The following SIN3B variants were observed in gnomAD, a reference collection of about 807,000 sequenced individuals.
SIN3B encodes the protein SIN3 transcription regulator family member B.
SIN3B carries 19 observed loss-of-function variants against 120.2 expected under a neutral mutation model. The observed-to-expected ratio is 0.16, with a 90% CI of 0.11 to 0.23. The LOEUF (loss-of-function observed/expected upper bound fraction) is 0.23, where lower values mean the gene tolerates loss of function less well. Ranked by LOEUF, SIN3B falls within the 10% of genes least tolerant of loss-of-function variation. The pLI is 1.00. For missense variants in SIN3B, 1,073 were observed against 1,573.0 expected, an observed-to-expected ratio of 0.68 and a Z score of 5.38; for synonymous variants, 654 against 653.2, an observed-to-expected ratio of 1.00 and a Z score of -0.02.
Position 16,830,421 on chromosome 19 carries a change from T to C in SIN3B, c.227+524T>C, listed in dbSNP as rs376794749. On this transcript the variant is annotated intron_variant, in intron 2 of 18. Transcript: ENST00000248054. ...GCACACAGAAAACGTTTAAAACACATGAGATGATTTTGCAGGCCCAGAATC... is the reference window on the plus strand; with the variant it reads ...GCACACAGAAAACGTTTAAAACACACGAGATGATTTTGCAGGCCCAGAATC... 1.1e-3 allele frequency among the ~76,000 whole-genome samples: 166 copies of C among 152,224 alleles called. 1 individual carries two copies. The highest frequency in any genetic ancestry group is 3.8e-3 in the African/African-American group (157 of 41,530).
rs1971249953 is a variant in SIN3B at position 16,829,512 on chromosome 19, C to T, written c.92C>T (p.Ser31Phe). ...LSGARWGRSG[S>F]AGHEKLPVHV... Reference sequence around the variant, plus strand: ...GGCGCCCGCTGGGGTCGCTCGGGCTCCGCAGGCCACGAGAAGCTGCCGGTG... The same window carrying T: ...GGCGCCCGCTGGGGTCGCTCGGGCTTCGCAGGCCACGAGAAGCTGCCGGTG... Residue 31 changes from serine (S) to phenylalanine (F), a missense_variant, in exon 1 of 19, where the codon TCC becomes TTC. Ser to Phe is a radical substitution (Grantham distance 155, BLOSUM62 -2). This residue lies in a region of SIN3B where 395 missense variants were observed against 528.0 expected (regional missense o/e 0.75). Transcript: ENST00000248054. 2 of 1,225,914 alleles carry T rather than the reference C, an allele frequency of 1.6e-6. No homozygotes were observed. The highest frequency in any genetic ancestry group is 2.0e-6 in the Non-Finnish European group (2 of 983,816). The allele number at this position is 1,225,914 out of a possible 1,614,324, so 75.9% of individuals were successfully genotyped here. A position where few individuals can be genotyped will look rare whatever the true frequency, so the allele number is the denominator to read the frequency against.
rs1276661668 is a variant in SIN3B at position 16,854,463 on chromosome 19, T to C, written c.1058+202T>C. 5.6e-6 allele frequency: 3 copies of C among 538,818 alleles called. No homozygotes were observed. The Admixed American group carries it at 1.1e-4, about 20-fold the overall frequency. The allele number at this position is 538,818 out of a possible 1,614,324, so 33.4% of individuals were successfully genotyped here. ...CCTGGGTACCCTCCAGCTGGTTCCT[T>C]TACCAGTAACATCTGTAGTCAGTAT... is the stretch of plus-strand genomic sequence containing the variant. On this transcript the variant is annotated intron_variant, in intron 8 of 18. Transcript: ENST00000248054.
intron 10 of SIN3B, 98 bp from the exon 11 acceptor site, chr19:16,865,312 C>CT (rs893705095): frequency 1.3e-5 from 7 of 558,388 alleles, no homozygotes; most frequent in African/African-American, 2.0e-5. Flanking sequence ...ACACACCCCC[C>CT]CCCCAAAAAA....
chr19:16,838,694 CAG>C (rs1032470985), intron 3 of SIN3B, among the ~76,000 whole-genome samples: 168 of 151,932 alleles, frequency 1.1e-3, no homozygotes, highest in African/African-American at 3.9e-3. Context: ...TTTTTCGAGA[CAG>C]AGTCTCGCTC....
chr19:16,851,224 G>A (rs920473858), intron 5 of SIN3B, among the ~76,000 whole-genome samples, 188 bp from the exon 6 acceptor site: 28 of 152,360 alleles, frequency 1.8e-4, no homozygotes, highest in African/African-American at 6.5e-4. Context: ...AGTCTGTGAT[G>A]ATTCGGTTAC....
chr19:16,850,883 C>T (rs1464592008), intron 5 of SIN3B, among the ~76,000 whole-genome samples: 1 of 152,252 alleles, frequency 6.6e-6, no homozygotes, highest in African/African-American at 2.4e-5. Flanking sequence ...GAACCAGCCA[C>T]GAGCCCCACT....
At chr19:16,829,955 G>C in intron 2 of SIN3B, 58 bp downstream of exon 2, 1 of 1,256,264 alleles carries the variant, frequency 8.0e-7, no homozygotes, top group South Asian at 1.2e-5. Context: ...ATCGGGCCTA[G>C]CGGGGTGAGA....
At chr19:16,852,977 C>A in intron 6 of SIN3B, 92 bp from the exon 7 acceptor site, 1 of 1,006,624 alleles carries the variant, frequency 9.9e-7, no homozygotes, top group Non-Finnish European at 1.5e-6. Context: ...AAGGAGAGCA[C>A]GGTCTTAGCC....
At position 16,878,606 on chromosome 19, in the gene SIN3B, T is replaced by C; in HGVS notation, c.3272T>C (p.Leu1091Pro). 1.2e-6 allele frequency: 2 copies of C among 1,612,840 alleles called. No homozygotes were observed. The highest frequency in any genetic ancestry group is 1.7e-6 in the Non-Finnish European group (2 of 1,179,536). The change falls in exon 19 of 19, where the codon CTG becomes CCG. Residue 1091 changes from leucine (L) to proline (P), a missense_variant. Transcript: ENST00000248054. ...VEAASLVQDW[L>P]MGEEDEDMVP... ...GCGGCTAGCCTGGTGCAGGACTGGC[T>C]GATGGGTGAGGAGGACGAGGACATG...
At position 16,871,408 on chromosome 19, in the gene SIN3B, G is replaced by C. The variant is rs1410878767; in HGVS notation, c.2592+10G>C. The C allele has an allele frequency of 1.3e-6, 2 of 1,592,882 alleles. No individual in the cohort carries two copies. The highest frequency in any genetic ancestry group is 1.7e-6 in the Non-Finnish European group (2 of 1,168,428). Reference sequence around the variant, plus strand: ...GAACATTGCGCGGCAGGTGAGCCGGGCCGGGGTGGGGCCGGCCCTGAGGAC... The same window carrying C: ...GAACATTGCGCGGCAGGTGAGCCGGCCCGGGGTGGGGCCGGCCCTGAGGAC... On this transcript the variant is annotated intron_variant, in intron 14 of 18. Transcript: ENST00000248054.
rs867819191 is a variant in SIN3B at position 16,841,838 on chromosome 19, C to A, written c.452C>A (p.Pro151His). ...KQQVPYKEDK[P>H]QVPLESDSVE... The stretch of plus-strand genomic sequence containing the variant: ...CAGGTGCCGTATAAAGAGGACAAAC[C>A]CCAGGTGCCCCTGGAGTCCGATTCC... Residue 151 changes from proline (P) to histidine (H), a missense_variant, in exon 4 of 19, where the codon CCC becomes CAC. Pro to His is a moderately conservative substitution (Grantham distance 77). This residue lies in a region of SIN3B where 395 missense variants were observed against 528.0 expected (regional missense o/e 0.75). Transcript: ENST00000248054. The A allele has an allele frequency of 1.2e-6, 2 of 1,613,922 alleles. No homozygotes were observed. The highest frequency in any genetic ancestry group is 2.7e-5 in the African/African-American group (2 of 74,974).
intron 12 of SIN3B, among the ~76,000 whole-genome samples, chr19:16,867,674 C>G (rs369265224): frequency 2.6e-5 from 4 of 152,220 alleles, no homozygotes; most frequent in African/African-American, 9.6e-5. Context: ...TGTCACTGCA[C>G]AGTGAGCGGT....
chr19:16,863,650 C>T (rs200476140), intron 9 of SIN3B, 30 bp from the exon 10 acceptor site: 13 of 1,422,472 alleles, frequency 9.1e-6, no homozygotes, highest in East Asian at 4.5e-5. Context: ...GGGCATGCAG[C>T]GTCATTCACG....
chr19:16,863,800 T>C lies in SIN3B; in HGVS notation c.1383+4T>C. On this transcript the variant is annotated splice_donor_region_variant and intron_variant, in intron 10 of 18. Transcript: ENST00000248054. ...CTGTGAGGACGAGCGCTTCGAGGTG[T>C]GTGTGCTGCTGTGGCCGGGTCCCCC... 1 of 1,605,352 alleles carries C rather than the reference T, an allele frequency of 6.2e-7. No homozygotes were observed. Among genetic ancestry groups the C allele is most frequent in the Non-Finnish European group, 8.5e-7 (1 of 1,172,780 alleles).
chr19:16,859,842 G>A (rs547531040), intron 8 of SIN3B, among the ~76,000 whole-genome samples: 1 of 151,984 alleles, frequency 6.6e-6, no homozygotes, highest in Non-Finnish European at 1.5e-5. Context: ...GGCTGTGTGT[G>A]GAGCTGGTGT....
At chr19:16,841,290 C>A (rs1284483172) in intron 3 of SIN3B, among the ~76,000 whole-genome samples, 1 of 152,162 alleles carries the variant, frequency 6.6e-6, no homozygotes, top group East Asian at 1.9e-4. Context: ...TCCCCAACAA[C>A]CTGGACAGTG....
intron 14 of SIN3B, 74 bp from the exon 15 acceptor site, chr19:16,875,981 G>T: frequency 6.8e-7 from 1 of 1,478,228 alleles, no homozygotes; most frequent in Non-Finnish European, 9.0e-7. Context: ...GGCCTTTGTC[G>T]ACTTCCTCTG....
chr19:16,853,640 A>G (rs1479756219), intron 7 of SIN3B, among the ~76,000 whole-genome samples: 1 of 151,030 alleles, frequency 6.6e-6, no homozygotes, highest in Non-Finnish European at 1.5e-5. Context: ...GATGGCATGC[A>G]TGGGCTGTGA....
At chr19:16,864,874 G>A (rs957900404) in intron 10 of SIN3B, among the ~76,000 whole-genome samples, 3 of 148,988 alleles carry the variant, frequency 2.0e-5, no homozygotes, top group Non-Finnish European at 3.0e-5. Flanking sequence ...TCACTCTGTC[G>A]CCCAGGCTGG....
Sources: gnomAD v4.1 joint callset for allele counts (sites outside exome capture counted in the v4.1 genomes callset) on GRCh38, gnomAD v4.1.1 for gene constraint, gnomAD v4.1.1 regional missense constraint, MANE v1.5 for transcripts, NCBI Gene and HGNC (gene_info 2026-07-23, HGNC 2026-07-21) for gene names.